LRRC4C: variants seen among roughly 807,000 people sequenced by gnomAD.
The protein encoded by LRRC4C is leucine-rich repeat-containing protein 4C.
Under a neutral mutation model 33.6 loss-of-function variants are expected in LRRC4C, and 5 were observed. The observed-to-expected ratio is 0.15, with a 90% CI of 0.08 to 0.31. The LOEUF (loss-of-function observed/expected upper bound fraction) is 0.31. Among genes scored for constraint, LRRC4C ranks in the 10% least tolerant of loss-of-function variants. The probability of loss-of-function intolerance (pLI) is 1.00; values close to 1 mark genes in which losing one functional copy is unlikely to be tolerated. For missense variants in LRRC4C, 560 were observed against 796.7 expected (o/e 0.70, Z 3.58); for synonymous variants, 329 against 302.0 (o/e 1.09, Z -0.93).
intron 2 of LRRC4C, among the ~76,000 whole-genome samples, chr11:40,750,377 C>T (rs1039458645): frequency 6.6e-6 from 1 of 151,910 alleles, no homozygotes; most frequent in African/African-American, 2.4e-5. Context: ...ACCCTGATAA[C>T]AAAAGCAGAC....
At chr11:41,313,953 T>A (rs1488346994) in intron 1 of LRRC4C, among the ~76,000 whole-genome samples, 1 of 152,152 alleles carries the variant, frequency 6.6e-6, no homozygotes, top group Admixed American at 6.6e-5. Context: ...GTTTTCCTTG[T>A]TTATCTTGTA....
At chr11:41,265,300 T>G (rs1239869085) in intron 1 of LRRC4C, among the ~76,000 whole-genome samples, 4 of 152,062 alleles carry the variant, frequency 2.6e-5, no homozygotes, top group Non-Finnish European at 5.9e-5. Flanking sequence ...TCAAAAAAAT[T>G]AAAGGTACGT....
In LRRC4C at chr11:40,438,199, T is replaced by C. The variant is rs549825511; in HGVS notation, c.-269-118478A>G. Among the ~76,000 whole-genome samples, 9 of 152,340 alleles carry C rather than the reference T, an allele frequency of 5.9e-5. No homozygotes were observed. The South Asian group carries it at 1.9e-3, about 32-fold the overall frequency. On this transcript the variant is annotated intron_variant, in intron 3 of 6. Coordinates refer to ENST00000528697, the MANE Select transcript of LRRC4C (RefSeq NM_001258419.2). ...CACTGCGGGCCCTTGCACTTTATGT[T>C]TGCTTTGCCTGATATATGCTTCCCC...
chr11:40,701,731 T>A (rs1945873356), intron 2 of LRRC4C, among the ~76,000 whole-genome samples: 1 of 151,624 alleles, frequency 6.6e-6, no homozygotes, highest in Non-Finnish European at 1.5e-5. Context: ...TGAAAAATCC[T>A]TCAAGCTAAA....
rs566078482 is a variant in LRRC4C at position 41,008,945 on chromosome 11, T to A, written c.-495-75222A>T. ...TTTGCCTTTTTAATGATATAAATTA[T>A]GCATTTGTGTCTTCTTCAATTGAAC... On this transcript the variant is annotated intron_variant, in intron 1 of 6. Coordinates refer to ENST00000528697, the MANE Select transcript of LRRC4C (RefSeq NM_001258419.2). Among the ~76,000 whole-genome samples, 3 of 152,246 alleles carry A rather than the reference T, an allele frequency of 2.0e-5. No homozygotes were observed. In the South Asian group the frequency reaches 6.2e-4, roughly 32 times the overall value.
At chr11:40,434,009 A>G (rs189861554) in intron 3 of LRRC4C, among the ~76,000 whole-genome samples, 22 of 152,330 alleles carry the variant, frequency 1.4e-4, no homozygotes, top group South Asian at 8.3e-4. Flanking sequence ...CAGGCTCAAT[A>G]AAAATAGAGG....
At chr11:40,719,187 T>C (rs1009587049) in intron 2 of LRRC4C, among the ~76,000 whole-genome samples, 3 of 152,208 alleles carry the variant, frequency 2.0e-5, no homozygotes, top group African/African-American at 7.2e-5. Flanking sequence ...CCTGCTGAAA[T>C]GTGTACAATA....
intron 2 of LRRC4C, among the ~76,000 whole-genome samples, chr11:40,865,446 C>CA (rs1366451699): frequency 6.6e-6 from 1 of 151,364 alleles, no homozygotes; most frequent in African/African-American, 2.4e-5. Context: ...ATTCTCACCA[C>CA]AAAAATGATG....
At chr11:41,112,959 C>T (rs1422055705) in intron 1 of LRRC4C, among the ~76,000 whole-genome samples, 3 of 151,870 alleles carry the variant, frequency 2.0e-5, no homozygotes, top group Non-Finnish European at 4.4e-5. Flanking sequence ...CAGGAATTAG[C>T]GTATATTGGG....
chr11:41,287,391 T>A (rs184641306), intron 1 of LRRC4C, among the ~76,000 whole-genome samples: 60 of 152,278 alleles, frequency 3.9e-4, no homozygotes, highest in African/African-American at 1.3e-3. Flanking sequence ...GGTCTAGAAT[T>A]TGACTCAAGT....
chr11:41,019,343 C>A (rs1234447411), intron 1 of LRRC4C, among the ~76,000 whole-genome samples: 1 of 152,170 alleles, frequency 6.6e-6, no homozygotes, highest in Non-Finnish European at 1.5e-5. Context: ...CTGCAAAGAA[C>A]ATGATCTCAT....
intron 3 of LRRC4C, among the ~76,000 whole-genome samples, chr11:40,593,751 C>T (rs61888387): frequency 0.24 from 36,742 of 152,040 alleles, 4,974 homozygotes; most frequent in Middle Eastern, 0.36. Flanking sequence ...ATTTCATCTT[C>T]GAAAATTTCC....
rs574530915 is a variant in LRRC4C at position 40,621,381 on chromosome 11, T to G, written c.-270+26761A>C. On this transcript the variant is annotated intron_variant, in intron 3 of 6. Coordinates refer to ENST00000528697, the MANE Select transcript of LRRC4C (RefSeq NM_001258419.2). ...CCTTCTACCAGCAATACCAACTATTTCTGGTTGCCTAGACACACCACACAC... is the reference window on the plus strand; with the variant it reads ...CCTTCTACCAGCAATACCAACTATTGCTGGTTGCCTAGACACACCACACAC... Among the ~76,000 whole-genome samples, 7 of 151,872 alleles carry G rather than the reference T, an allele frequency of 4.6e-5. No homozygotes were observed. In the South Asian group the frequency reaches 1.2e-3, roughly 27 times the overall value.
intron 3 of LRRC4C, among the ~76,000 whole-genome samples, chr11:40,328,398 A>G (rs1946195531): frequency 6.6e-6 from 1 of 152,216 alleles, no homozygotes; most frequent in South Asian, 2.1e-4. Context: ...AAAAGAACAT[A>G]TTCACATCAT....
Position 40,379,286 on chromosome 11 carries a change from T to C in LRRC4C, c.-269-59565A>G, listed in dbSNP as rs1227797493. Among the ~76,000 whole-genome samples the C allele has an allele frequency of 3.3e-5, 5 of 151,964 alleles. No homozygotes were observed. In the East Asian group the frequency reaches 5.8e-4, roughly 18 times the overall value. On this transcript the variant is annotated intron_variant, in intron 3 of 6. Transcript: ENST00000528697. ...ATACCAATTTAATTATAATATAAAA[T>C]ATAAAATTATTTTTTGAAGAACATA...
At chr11:41,442,039 T>C (rs969045091) in intron 1 of LRRC4C, among the ~76,000 whole-genome samples, 1 of 152,234 alleles carries the variant, frequency 6.6e-6, no homozygotes, top group Non-Finnish European at 1.5e-5. Flanking sequence ...ATAGTTGTCA[T>C]TATACAAAAC....
chr11:41,271,861 A>G (rs1949331800), intron 1 of LRRC4C, among the ~76,000 whole-genome samples: 1 of 152,182 alleles, frequency 6.6e-6, no homozygotes, highest in African/African-American at 2.4e-5. Flanking sequence ...GGAAGGAATG[A>G]ATGCTAATTG....
At chr11:41,055,226 G>A (rs973488244) in intron 1 of LRRC4C, among the ~76,000 whole-genome samples, 1 of 152,014 alleles carries the variant, frequency 6.6e-6, no homozygotes, top group African/African-American at 2.4e-5. Context: ...TCTTTCTTTA[G>A]TGTGAGTCAT....
Position 41,169,892 on chromosome 11 carries a change from T to G in LRRC4C, c.-495-236169A>C, listed in dbSNP as rs149170916. 4.4e-3 allele frequency among the ~76,000 whole-genome samples: 677 copies of G among 152,272 alleles called. 4 individuals are homozygous for G. The highest frequency in any genetic ancestry group is 0.015 in the African/African-American group (617 of 41,558). On this transcript the variant is annotated intron_variant, in intron 1 of 6. Coordinates refer to ENST00000528697, the MANE Select transcript of LRRC4C (RefSeq NM_001258419.2). ...ATATGAAATAAATCACTGGATAAGA[T>G]GAAAATGTTTTAAAAATTCCTTTAC...
Sources: allele counts gnomAD v4.1 joint callset (sites outside exome capture counted in the v4.1 genomes callset), GRCh38; gene constraint gnomAD v4.1.1; transcripts MANE v1.5; gene names NCBI Gene and HGNC (gene_info 2026-07-23, HGNC 2026-07-21).